PLEKHH1: variants seen among roughly 807,000 people sequenced by gnomAD.
The protein encoded by PLEKHH1 is pleckstrin homology domain-containing family H member 1.
PLEKHH1 carries 104 observed loss-of-function variants against 160.0 expected under a neutral mutation model. The ratio of observed to expected loss-of-function variants is 0.65; its 90% CI spans 0.55 to 0.76. PLEKHH1 has a LOEUF of 0.76. Ranked by LOEUF, PLEKHH1 falls within the 30% of genes least tolerant of loss-of-function variation. The probability of loss-of-function intolerance (pLI) is 0.00; values close to 1 mark genes in which losing one functional copy is unlikely to be tolerated. For missense variants in PLEKHH1, 1,427 were observed against 1,724.1 expected (o/e 0.83, Z 3.05); for synonymous variants, 619 against 678.4 (o/e 0.91, Z 1.36).
chr14:67,570,208 A>T (rs1303811695), intron 9 of PLEKHH1, 196 bp downstream of exon 9: 1 of 325,410 alleles, frequency 3.1e-6, no homozygotes, highest in African/African-American at 2.2e-5. Flanking sequence ...CAAAAATGTG[A>T]ATCAGTATGA....
chr14:67,556,256 C>T (rs2034589570), intron 3 of PLEKHH1, among the ~76,000 whole-genome samples: 1 of 152,174 alleles, frequency 6.6e-6, no homozygotes, highest in African/African-American at 2.4e-5. Context: ...AGCTGGACCA[C>T]TTGGAATGCG....
intron 28 of PLEKHH1, chr14:67,586,731 C>A: frequency 8.9e-7 from 1 of 1,117,864 alleles, no homozygotes; most frequent in Non-Finnish European, 1.2e-6. Flanking sequence ...GCCAAACCTA[C>A]TCCTCCTTTA....
At chr14:67,567,285 G>C (rs538099660) in intron 7 of PLEKHH1, among the ~76,000 whole-genome samples, 1 of 152,114 alleles carries the variant, frequency 6.6e-6, no homozygotes, top group Non-Finnish European at 1.5e-5. Context: ...TCAATCTGAC[G>C]GTGTGAGAAA....
intron 2 of PLEKHH1, among the ~76,000 whole-genome samples, chr14:67,552,891 A>G (rs12433356): frequency 0.29 from 44,785 of 152,138 alleles, 6,995 homozygotes; most frequent in East Asian, 0.48. Flanking sequence ...GGCTCTGAAA[A>G]GTGCCTTGCC....
Position 67,541,893 on chromosome 14 carries a change from C to A in PLEKHH1, c.26C>A (p.Pro9Gln). The A allele has an allele frequency of 6.2e-7, 1 of 1,602,444 alleles. No individual in the cohort carries two copies. Residue 9 changes from proline (P) to glutamine (Q), a missense_variant, in exon 2 of 29, where the codon CCG (proline) becomes CAG (glutamine). Coordinates refer to ENST00000329153, the MANE Select transcript of PLEKHH1 (RefSeq NM_020715.3). Reference sequence around the variant, plus strand: ...ATGGCAGAACTCAAGGTGGAGGCGCCGGCCAGCGTAGACTGGCAGAAACGC... The same window carrying A: ...ATGGCAGAACTCAAGGTGGAGGCGCAGGCCAGCGTAGACTGGCAGAAACGC... MAELKVEA[P>Q]ASVDWQKRCL...
At chr14:67,561,335 G>A (rs994583231) in intron 5 of PLEKHH1, among the ~76,000 whole-genome samples, 12 of 152,176 alleles carry the variant, frequency 7.9e-5, no homozygotes, top group Admixed American at 3.3e-4. Flanking sequence ...TGGATTGCTC[G>A]ACACTAGGAG....
At chr14:67,584,473 A>C (rs974913762) in intron 26 of PLEKHH1, among the ~76,000 whole-genome samples, 2 of 152,246 alleles carry the variant, frequency 1.3e-5, no homozygotes, top group African/African-American at 4.8e-5. Context: ...CTGGTTTGAC[A>C]TGGCATACAG....
At position 67,573,842 on chromosome 14, in the gene PLEKHH1, C is replaced by T. The variant is rs1434420388; in HGVS notation, c.1881C>T (p.Asn627=). 1.2e-6 allele frequency: 2 copies of T among 1,613,714 alleles called. No homozygotes were observed. Among genetic ancestry groups the T allele is most frequent in the Admixed American group, 1.7e-5 (1 of 60,016 alleles). ...IRKPQGQVDL[N]SRCQIVRGEG... ...AACCTCAAGGCCAAGTGGATCTGAACTCCCGCTGCCAAATTGTTCGAGGGG... is the reference window on the plus strand; with the variant it reads ...AACCTCAAGGCCAAGTGGATCTGAATTCCCGCTGCCAAATTGTTCGAGGGG... Residue 627 remains asparagine (N), a synonymous_variant, in exon 13 of 29, where the codon AAC becomes AAT. Transcript: ENST00000329153. This position sits in a 1 kb window ranked among gnomAD's most constrained non-coding sequence, Gnocchi z 4.8.
At position 67,565,456 on chromosome 14, in the gene PLEKHH1, G is replaced by C. The variant is rs192840844; in HGVS notation, c.1263+2562G>C. 1.6e-3 allele frequency among the ~76,000 whole-genome samples: 241 copies of C among 152,100 alleles called. 1 individual carries two copies. Among genetic ancestry groups the C allele is most frequent in the African/African-American group, 4.6e-3 (192 of 41,488 alleles). ...GATGGAGTATCCCTATGTTGCCCAG[G>C]CTAGTCTCAAACTCCTGGCCTCAAG... is the stretch of plus-strand genomic sequence containing the variant. On this transcript the variant is annotated intron_variant, in intron 7 of 28. Coordinates refer to ENST00000329153, the MANE Select transcript of PLEKHH1 (RefSeq NM_020715.3).
intron 2 of PLEKHH1, among the ~76,000 whole-genome samples, chr14:67,546,195 C>T (rs1048391244): frequency 4.6e-5 from 7 of 151,932 alleles, no homozygotes; most frequent in Admixed American, 6.6e-5. Flanking sequence ...GGGTCAACGC[C>T]GGGGGAAGGG....
rs768427758 is a variant in PLEKHH1 at position 67,571,873 on chromosome 14, G to A, written c.1556G>A (p.Gly519Glu). ...VPSSESRKTS[G>E]LGSPRAIKRG... The stretch of plus-strand genomic sequence containing the variant: ...TCCTCTGAGTCCAGGAAGACCAGCG[G>A]ACTAGGCAGCCCCCGGGCCATCAAG... The change falls in exon 10 of 29, where the codon GGA (glycine) becomes GAA (glutamate). Residue 519 changes from glycine to glutamate, a missense_variant. Transcript: ENST00000329153. The A allele has an allele frequency of 3.7e-6, 6 of 1,612,940 alleles. No homozygotes were observed. Among genetic ancestry groups the A allele is most frequent in the Non-Finnish European group, 5.1e-6 (6 of 1,179,400 alleles).
At chr14:67,563,766 C>T (rs2034954811) in intron 7 of PLEKHH1, among the ~76,000 whole-genome samples, 1 of 137,096 alleles carries the variant, frequency 7.3e-6, no homozygotes, top group Non-Finnish European at 1.5e-5. Flanking sequence ...CAGAGTCTTG[C>T]TCTGTCACCC....
At position 67,544,779 on chromosome 14, in the gene PLEKHH1, T is replaced by C. The variant is rs12589645; in HGVS notation, c.126+2786T>C. ...ACATCAGATTAGGCACCATGGAAGATAGACTTAATGGACAGGAAGACAGAC... is the reference window on the plus strand; with the variant it reads ...ACATCAGATTAGGCACCATGGAAGACAGACTTAATGGACAGGAAGACAGAC... On this transcript the variant is annotated intron_variant, in intron 2 of 28. Transcript: ENST00000329153. Among the ~76,000 whole-genome samples the C allele has an allele frequency of 4.4e-3, 675 of 152,310 alleles. 18 individuals are homozygous for C. In the East Asian group the frequency reaches 0.062, roughly 14 times the overall value.
chr14:67,574,220 C>T lies in PLEKHH1; in HGVS notation c.1927-22C>T, dbSNP rs377455856. On this transcript the variant is annotated intron_variant, in intron 13 of 28. Coordinates refer to ENST00000329153, the MANE Select transcript of PLEKHH1 (RefSeq NM_020715.3). This position sits in a 1 kb window ranked among gnomAD's most constrained non-coding sequence, Gnocchi z 4.2. ...CCATTCTCCCAGCGTGCTGCCCCACCCCCATATCTCGCCCTCCACAGCTCA... is the reference window on the plus strand; with the variant it reads ...CCATTCTCCCAGCGTGCTGCCCCACTCCCATATCTCGCCCTCCACAGCTCA... 537 of 1,566,402 alleles carry T rather than the reference C, an allele frequency of 3.4e-4. 2 individuals carry two copies. In the African/African-American group the frequency reaches 6.7e-3, roughly 20 times the overall value.
Position 67,542,085 on chromosome 14 carries a change from A to G in PLEKHH1, c.126+92A>G, listed in dbSNP as rs72721029. On this transcript the variant is annotated intron_variant, in intron 2 of 28. Coordinates refer to ENST00000329153, the MANE Select transcript of PLEKHH1 (RefSeq NM_020715.3). Reference sequence around the variant, plus strand: ...AGAGAGGGAGAGTTGCGGAAAGTCAACTTTCAGTAAGATGCTTTTCCCCAT... The same window carrying G: ...AGAGAGGGAGAGTTGCGGAAAGTCAGCTTTCAGTAAGATGCTTTTCCCCAT... The G allele has an allele frequency of 0.089, 107,997 of 1,207,086 alleles. 5,260 individuals carry two copies. The highest frequency in any genetic ancestry group is 0.1 in the Non-Finnish European group (90,907 of 891,248). 74.8% of individuals were successfully genotyped at this position (1,207,086 alleles called of 1,614,324 possible). A position where few individuals can be genotyped will look rare whatever the true frequency, so the allele number is the denominator to read the frequency against.
intron 1 of PLEKHH1, among the ~76,000 whole-genome samples, chr14:67,540,562 G>T (rs981096133): frequency 2.6e-5 from 4 of 151,242 alleles, no homozygotes; most frequent in African/African-American, 9.7e-5. Context: ...GGAGGCAGAG[G>T]TTGTAGTGAG....
In PLEKHH1 at chr14:67,586,106, G is replaced by A. The variant is rs1172127628; in HGVS notation, c.3933+9G>A. On this transcript the variant is annotated intron_variant, in intron 28 of 28. Transcript: ENST00000329153. ...GGATGGCTGCTCCCAAGGTAGGTCT[G>A]ACAGCTGTTAAAACGTTCTACTCTG... The A allele has an allele frequency of 1.2e-6, 2 of 1,613,496 alleles. No individual in the cohort carries two copies. The highest frequency in any genetic ancestry group is 2.7e-5 in the African/African-American group (2 of 74,914).
chr14:67,539,210 T>C (rs1040070696), intron 1 of PLEKHH1, among the ~76,000 whole-genome samples: 1 of 152,184 alleles, frequency 6.6e-6, no homozygotes, highest in Non-Finnish European at 1.5e-5. Context: ...CCCGGCCTTC[T>C]CTGAGAGCCT....
Position 67,573,871 on chromosome 14 carries a change from G to T in PLEKHH1, c.1910G>T (p.Gly637Val). 1 of 1,612,976 alleles carries T rather than the reference G, an allele frequency of 6.2e-7. No individual in the cohort carries two copies. Among genetic ancestry groups the T allele is most frequent in the Non-Finnish European group, 8.5e-7 (1 of 1,178,984 alleles). ...NSRCQIVRGE[G>V]SQTFQLISEK... Reference sequence around the variant, plus strand: ...CGCTGCCAAATTGTTCGAGGGGAGGGTTCACAGACGTTTCAGGTGAGCACG... The same window carrying T: ...CGCTGCCAAATTGTTCGAGGGGAGGTTTCACAGACGTTTCAGGTGAGCACG... The change falls in exon 13 of 29, where the codon GGT (glycine) becomes GTT (valine). Residue 637 changes from glycine to valine, a missense_variant. Around this residue, in one of 6 missense-constraint regions of PLEKHH1, gnomAD observed 831 missense variants for 929.2 expected, o/e 0.89. Coordinates refer to ENST00000329153, the MANE Select transcript of PLEKHH1 (RefSeq NM_020715.3). The surrounding 1 kb of genome is among the most constrained non-coding windows in gnomAD (Gnocchi z 4.8).
Sources: allele counts gnomAD v4.1 joint callset (sites outside exome capture counted in the v4.1 genomes callset), GRCh38; gene constraint gnomAD v4.1.1; regional missense constraint gnomAD v4.1.1; non-coding constraint Gnocchi (gnomAD v3.1); transcripts MANE v1.5; gene names NCBI Gene and HGNC (gene_info 2026-07-23, HGNC 2026-07-21).